Variants in L3MBTL3 observed in about 807,000 individuals in gnomAD.
L3MBTL3 encodes lethal(3)malignant brain tumor-like protein 3.
Under a neutral mutation model 102.3 loss-of-function variants are expected in L3MBTL3, and 27 were observed. That is an observed-to-expected ratio of 0.26 (90% CI 0.19 to 0.36). The LOEUF (loss-of-function observed/expected upper bound fraction) is 0.36, where lower values mean the gene tolerates loss of function less well. Among genes scored for constraint, L3MBTL3 ranks in the 10% least tolerant of loss-of-function variants. The pLI is 1.00. For missense variants in L3MBTL3, 798 were observed against 955.3 expected, an observed-to-expected ratio of 0.84 and a Z score of 2.17; for synonymous variants, 340 against 320.9, an observed-to-expected ratio of 1.06 and a Z score of -0.64.
chr6:130,121,289 A>C (rs1786170215), intron 20 of L3MBTL3, among the ~76,000 whole-genome samples: 1 of 152,070 alleles, frequency 6.6e-6, no homozygotes, highest in Non-Finnish European at 1.5e-5. Context: ...GTAGGTTCTC[A>C]TCATTTAGCT....
chr6:130,116,922 TTTTTTTTA>T lies in L3MBTL3; in HGVS notation c.1887-3949_1887-3942del, dbSNP rs1416860928. Among the ~76,000 whole-genome samples, 6 of 51,404 alleles carry T rather than the reference TTTTTTTTA, an allele frequency of 1.2e-4. No homozygotes were observed. In the South Asian group the frequency reaches 3.6e-3, roughly 31 times the overall value. The allele number at this position is 51,404 out of a possible 152,430, so 33.7% of individuals were successfully genotyped here. A position where few individuals can be genotyped will look rare whatever the true frequency, so the allele number is the denominator to read the frequency against. ...AAAATATTTCTGGTTGTCATTTTTA[TTTTTTTTA>T]TTTTTTTTTCCTCTTATTTTTTATT... On this transcript the variant is annotated intron_variant, in intron 19 of 22. Transcript: ENST00000361794.
At chr6:130,048,016 G>A (rs1016856031) in intron 3 of L3MBTL3, among the ~76,000 whole-genome samples, 3 of 152,118 alleles carry the variant, frequency 2.0e-5, no homozygotes, top group Non-Finnish European at 2.9e-5. Flanking sequence ...ATTTCCACAC[G>A]TTTAGTCTAG....
At chr6:130,082,007 A>G (rs1053397679) in intron 14 of L3MBTL3, among the ~76,000 whole-genome samples, 2 of 152,166 alleles carry the variant, frequency 1.3e-5, no homozygotes, top group African/African-American at 4.8e-5. Context: ...GTATTTCCTC[A>G]TGATCATACG....
chr6:130,086,243 G>T lies in L3MBTL3; in HGVS notation c.1511G>T (p.Arg504Leu). Residue 504 changes from arginine to leucine, a missense_variant, in exon 16 of 23, where the codon CGG becomes CTG. Physicochemically the swap from Arg to Leu is moderately radical, Grantham distance 102 (BLOSUM62 -2). This residue lies in a region of L3MBTL3 where 306 missense variants were observed against 314.4 expected (regional missense o/e 0.97). Transcript: ENST00000361794. ...VATVADTDDHRVKVHFDGWNN... is the reference protein window; with the variant it reads ...VATVADTDDHLVKVHFDGWNN... Reference sequence around the variant, plus strand: ...ACTGTGGCAGACACAGATGATCACCGGGTAAAAGTAAGTGTTCTGTGTGGG... The same window carrying T: ...ACTGTGGCAGACACAGATGATCACCTGGTAAAAGTAAGTGTTCTGTGTGGG... 4 of 1,602,206 alleles carry T rather than the reference G, an allele frequency of 2.5e-6. No homozygotes were observed. In the South Asian group the frequency reaches 3.3e-5, roughly 13 times the overall value.
At chr6:130,059,016 A>G (rs1383094793) in intron 9 of L3MBTL3, among the ~76,000 whole-genome samples, 1 of 152,128 alleles carries the variant, frequency 6.6e-6, no homozygotes, top group Non-Finnish European at 1.5e-5. Context: ...TTACATATAA[A>G]CTTGTTCTCT....
rs768696823 is a variant in L3MBTL3 at position 130,042,732 on chromosome 6, A to G, written c.33A>G (p.Gln11=). 6.2e-7 allele frequency: 1 copy of G among 1,613,578 alleles called. No homozygotes were observed. Among genetic ancestry groups the G allele is most frequent in the Non-Finnish European group, 8.5e-7 (1 of 1,179,582 alleles). The change falls in exon 3 of 23, where the codon CAA becomes CAG. Residue 11 remains glutamine (Q), a synonymous_variant. Transcript: ENST00000361794. ...AATCTGCCTCTAGCACAAGTGGTCA[A>G]GAGTTTGATGTGTTCAGTGTTATGG... is the stretch of plus-strand genomic sequence containing the variant. MTESASSTSG[Q]EFDVFSVMDW...
intron 12 of L3MBTL3, 97 bp downstream of exon 12, chr6:130,068,518 T>G (rs1782421033): frequency 1.5e-6 from 1 of 651,196 alleles, no homozygotes; most frequent in Non-Finnish European, 2.8e-6. Context: ...TATAATAAAT[T>G]TTATCGCCTT....
chr6:130,114,606 C>T (rs549879852), intron 19 of L3MBTL3, among the ~76,000 whole-genome samples: 2 of 152,154 alleles, frequency 1.3e-5, no homozygotes, highest in African/African-American at 4.8e-5. Flanking sequence ...TTATTGTATT[C>T]TTTCACTAGC....
At chr6:130,132,192 A>C (rs1292854312) in intron 20 of L3MBTL3, among the ~76,000 whole-genome samples, 1 of 152,246 alleles carries the variant, frequency 6.6e-6, no homozygotes, top group Non-Finnish European at 1.5e-5. Context: ...AGAGAAGGTA[A>C]CTTCTACTAC....
chr6:130,045,513 G>A (rs369398174), intron 3 of L3MBTL3, among the ~76,000 whole-genome samples: 13 of 152,220 alleles, frequency 8.5e-5, no homozygotes, highest in African/African-American at 3.1e-4. Flanking sequence ...GTTTACAGAT[G>A]GGGAAATGGA....
rs1382385638 is a variant in L3MBTL3 at position 130,140,519 on chromosome 6, C to T, written c.*766C>T. The T allele has an allele frequency of 6.6e-6, 1 of 152,296 alleles. No individual in the cohort carries two copies. Among genetic ancestry groups the T allele is most frequent in the Non-Finnish European group, 1.5e-5 (1 of 68,032 alleles). The allele number at this position is 152,296 out of a possible 1,614,324, so 9.4% of individuals were successfully genotyped here. ...GTAGTGTATTTTGAGTGGCATCAGT[C>T]TCACTCATCTTGGTGCCCCGGTGTT... is the stretch of plus-strand genomic sequence containing the variant. On this transcript the variant is annotated 3_prime_UTR_variant, in exon 23 of 23. Transcript: ENST00000361794.
chr6:130,100,662 G>A (rs1443304091), intron 18 of L3MBTL3, among the ~76,000 whole-genome samples: 1 of 147,974 alleles, frequency 6.8e-6, no homozygotes. Flanking sequence ...AAAAAAAAAA[G>A]ATATTTAAAT....
intron 15 of L3MBTL3, among the ~76,000 whole-genome samples, chr6:130,085,802 G>C (rs549730697): frequency 6.6e-6 from 1 of 151,928 alleles, no homozygotes; most frequent in East Asian, 1.9e-4. Flanking sequence ...TGTTGCCCAG[G>C]CTGGAGTGCA....
intron 19 of L3MBTL3, among the ~76,000 whole-genome samples, chr6:130,116,843 G>A (rs1178473518): frequency 6.6e-6 from 1 of 151,954 alleles, no homozygotes; most frequent in Non-Finnish European, 1.5e-5. Context: ...ATCAAGGAAA[G>A]CAGGTCAGGA....
intron 13 of L3MBTL3, among the ~76,000 whole-genome samples, chr6:130,072,034 CAGTT>C (rs1782670346): frequency 6.6e-6 from 1 of 152,038 alleles, no homozygotes; most frequent in African/African-American, 2.4e-5. Flanking sequence ...AAAATGTAGA[CAGTT>C]AGTTCCATGA....
intron 10 of L3MBTL3, among the ~76,000 whole-genome samples, chr6:130,061,072 T>A (rs1245630977): frequency 2.1e-5 from 3 of 146,008 alleles, no homozygotes; most frequent in Non-Finnish European, 4.5e-5. Flanking sequence ...GTACTTTTCA[T>A]CTGTTAGCTC....
chr6:130,096,425 G>A (rs528130553), intron 18 of L3MBTL3, among the ~76,000 whole-genome samples: 2 of 152,308 alleles, frequency 1.3e-5, no homozygotes, highest in Admixed American at 6.5e-5. Context: ...TGAAGAAAAA[G>A]AACAAAGAAA....
chr6:130,118,940 A>G (rs1785924101), intron 19 of L3MBTL3, among the ~76,000 whole-genome samples: 1 of 152,200 alleles, frequency 6.6e-6, no homozygotes, highest in Non-Finnish European at 1.5e-5. Flanking sequence ...GAAAATAAGT[A>G]ATTGTCATTG....
At chr6:130,104,597 G>A (rs774798989) in intron 19 of L3MBTL3, 22 bp downstream of exon 19, 7 of 1,523,112 alleles carry the variant, frequency 4.6e-6, no homozygotes, top group African/African-American at 2.8e-5. Flanking sequence ...GCTAATATTA[G>A]CATTGTTTAG....
Sources: allele counts gnomAD v4.1 joint callset (sites outside exome capture counted in the v4.1 genomes callset), GRCh38; gene constraint gnomAD v4.1.1; regional missense constraint gnomAD v4.1.1; transcripts MANE v1.5; gene names NCBI Gene and HGNC (gene_info 2026-07-23, HGNC 2026-07-21).